NAALADL2: variants seen among roughly 807,000 people sequenced by gnomAD.
NAALADL2 encodes N-acetylated alpha-linked acidic dipeptidase like 2, also known as inactive N-acetylated-alpha-linked acidic dipeptidase-like protein 2.
A neutral mutation model predicts 87.2 loss-of-function variants in NAALADL2; 76 were observed. The observed-to-expected ratio is 0.87, with a 90% CI of 0.72 to 1.05. The LOEUF (loss-of-function observed/expected upper bound fraction) is 1.05, where lower values mean the gene tolerates loss of function less well. Ranked by LOEUF, NAALADL2 falls within the 50% of genes least tolerant of loss-of-function variation. NAALADL2 has a pLI of 0.00. For synonymous variants in NAALADL2, 354 were observed against 331.0 expected (o/e 1.07, Z -0.75); for missense variants, 1,089 against 945.8 (o/e 1.15, Z -1.99).
intron 3 of NAALADL2, among the ~76,000 whole-genome samples, chr3:174,773,861 G>A (rs1019029739): frequency 7.1e-6 from 1 of 140,920 alleles, no homozygotes; most frequent in Admixed American, 7.2e-5. Context: ...AGTTCTAGCT[G>A]CTGAAGTGAT....
chr3:175,298,272 C>T (rs930570219), intron 4 of NAALADL2, among the ~76,000 whole-genome samples: 3 of 151,986 alleles, frequency 2.0e-5, no homozygotes, highest in Non-Finnish European at 2.9e-5. Flanking sequence ...TGGAGGGATG[C>T]GGAAACTTGT....
chr3:174,859,933 G>A (rs1293448703), intron 1 of NAALADL2, among the ~76,000 whole-genome samples: 6 of 152,056 alleles, frequency 3.9e-5, no homozygotes, highest in Non-Finnish European at 7.4e-5. Flanking sequence ...GAAAACAGGG[G>A]AACATGGGCG....
At chr3:175,788,557 C>T (rs1752393024) in intron 13 of NAALADL2, among the ~76,000 whole-genome samples, 1 of 152,054 alleles carries the variant, frequency 6.6e-6, no homozygotes, top group Non-Finnish European at 1.5e-5. Flanking sequence ...TACCATGAAG[C>T]CTAGGTGTGT....
chr3:175,018,823 G>A (rs921365380), intron 1 of NAALADL2, among the ~76,000 whole-genome samples: 4 of 151,850 alleles, frequency 2.6e-5, no homozygotes, highest in Admixed American at 2.6e-4. Context: ...TAACGTAACC[G>A]GTGTTTTCTA....
chr3:175,166,788 C>A (rs532471793), intron 2 of NAALADL2, among the ~76,000 whole-genome samples: 2 of 152,064 alleles, frequency 1.3e-5, no homozygotes, highest in Non-Finnish European at 2.9e-5. Flanking sequence ...ACCTCTTGAA[C>A]TCTCTAAGCT....
At chr3:174,463,683 C>G (rs1393132259) in intron 1 of NAALADL2, among the ~76,000 whole-genome samples, 1 of 148,196 alleles carries the variant, frequency 6.7e-6, no homozygotes, top group Non-Finnish European at 1.5e-5. Flanking sequence ...TCACTTCAAG[C>G]TCTGCCTCCC....
intron 2 of NAALADL2, among the ~76,000 whole-genome samples, chr3:174,708,323 T>C (rs1008117217): frequency 5.3e-5 from 8 of 152,312 alleles, no homozygotes; most frequent in Admixed American, 1.3e-4. Context: ...AGAATATTGT[T>C]TAAGTTATTG....
At chr3:175,722,164 C>G (rs1561035401) in intron 11 of NAALADL2, among the ~76,000 whole-genome samples, 1 of 152,044 alleles carries the variant, frequency 6.6e-6, no homozygotes. Context: ...ATCATTTCAA[C>G]TTTCAACCCC....
intron 2 of NAALADL2, among the ~76,000 whole-genome samples, chr3:175,204,925 A>G (rs1440332675): frequency 6.6e-6 from 1 of 152,124 alleles, no homozygotes; most frequent in East Asian, 1.9e-4. Flanking sequence ...TACAAGGAAA[A>G]CTACAAAACA....
chr3:175,065,420 T>A (rs1056569434), intron 1 of NAALADL2, among the ~76,000 whole-genome samples: 2 of 152,212 alleles, frequency 1.3e-5, no homozygotes, highest in African/African-American at 4.8e-5. Context: ...TGATTCTACA[T>A]AGAATTTGCA....
At chr3:174,692,390 C>A (rs1395686674) in intron 2 of NAALADL2, among the ~76,000 whole-genome samples, 2 of 152,124 alleles carry the variant, frequency 1.3e-5, no homozygotes, top group African/African-American at 4.8e-5. Flanking sequence ...GGCTCAAGTG[C>A]ATTAGTCTCT....
intron 1 of NAALADL2, among the ~76,000 whole-genome samples, chr3:175,055,725 G>T (rs73038465): frequency 6.6e-6 from 1 of 152,016 alleles, no homozygotes; most frequent in Admixed American, 6.5e-5. Flanking sequence ...TCCCCTATCC[G>T]GTGGCCTGAC....
intron 11 of NAALADL2, among the ~76,000 whole-genome samples, chr3:175,721,758 T>G (rs1373024808): frequency 6.6e-6 from 1 of 152,004 alleles, no homozygotes; most frequent in African/African-American, 2.4e-5. Flanking sequence ...TGGTATAATA[T>G]AAGAGCTGGG....
At chr3:175,165,585 A>G (rs762094802) in intron 2 of NAALADL2, among the ~76,000 whole-genome samples, 1 of 152,178 alleles carries the variant, frequency 6.6e-6, no homozygotes. Flanking sequence ...ACAGAAATTC[A>G]TGTAAAATTC....
At chr3:175,497,137 G>A (rs973598973) in intron 9 of NAALADL2, among the ~76,000 whole-genome samples, 1 of 151,914 alleles carries the variant, frequency 6.6e-6, no homozygotes, top group African/African-American at 2.4e-5. Context: ...GCAGTGACAT[G>A]ACCATAGCTC....
chr3:174,552,993 T>C (rs1247628079), intron 2 of NAALADL2, among the ~76,000 whole-genome samples: 6 of 152,098 alleles, frequency 3.9e-5, no homozygotes. Flanking sequence ...AAAGAGGTTG[T>C]GTTTTGCTAA....
chr3:174,917,966 G>A (rs1225138780), intron 1 of NAALADL2, among the ~76,000 whole-genome samples: 1 of 151,986 alleles, frequency 6.6e-6, no homozygotes, highest in African/African-American at 2.4e-5. Context: ...GTTTGTAGAA[G>A]TGTATTATAG....
intron 11 of NAALADL2, among the ~76,000 whole-genome samples, chr3:175,707,387 C>T (rs1023626450): frequency 6.6e-6 from 1 of 152,022 alleles, no homozygotes; most frequent in African/African-American, 2.4e-5. Context: ...AATGTAAAAA[C>T]TATTCTTAAC....
chr3:174,875,714 T>C (rs887628115), intron 1 of NAALADL2, among the ~76,000 whole-genome samples: 1 of 152,154 alleles, frequency 6.6e-6, no homozygotes, highest in African/African-American at 2.4e-5. Flanking sequence ...AACTAAAATC[T>C]GTGTTTATAA....
Sources: gnomAD v4.1 joint callset for allele counts (sites outside exome capture counted in the v4.1 genomes callset) on GRCh38, gnomAD v4.1.1 for gene constraint, MANE v1.5 for transcripts, NCBI Gene and HGNC (gene_info 2026-07-23, HGNC 2026-07-21) for gene names.